The following IGF2BP1 variants were observed in gnomAD, a reference collection of about 807,000 sequenced individuals.
IGF2BP1 encodes the protein insulin like growth factor 2 mRNA binding protein 1, also known as insulin-like growth factor 2 mRNA-binding protein 1.
In IGF2BP1, 11 loss-of-function variants were observed where a neutral mutation model predicts 74.9. The ratio of observed to expected loss-of-function variants is 0.15; its 90% CI spans 0.09 to 0.24. The LOEUF (loss-of-function observed/expected upper bound fraction) is 0.24, where lower values mean the gene tolerates loss of function less well. Among genes scored for constraint, IGF2BP1 ranks in the 10% least tolerant of loss-of-function variants. IGF2BP1 has a pLI of 1.00. For missense variants in IGF2BP1, 440 were observed against 757.4 expected, an observed-to-expected ratio of 0.58 and a Z score of 4.92; for synonymous variants, 287 against 281.8, an observed-to-expected ratio of 1.02 and a Z score of -0.18.
At chr17:49,035,100 A>C (rs1287356438) in intron 5 of IGF2BP1, among the ~76,000 whole-genome samples, 1 of 152,246 alleles carries the variant, frequency 6.6e-6, no homozygotes, top group Admixed American at 6.5e-5. Context: ...GATCAATGGA[A>C]TAGAATTCAG....
chr17:49,027,881 A>G (rs1315383022), intron 4 of IGF2BP1, among the ~76,000 whole-genome samples: 1 of 126,238 alleles, frequency 7.9e-6, no homozygotes, highest in Non-Finnish European at 1.6e-5. Context: ...AAAAAAAAAA[A>G]GTTTGCCGGC....
At chr17:49,018,390 G>A (rs1355830265) in intron 2 of IGF2BP1, among the ~76,000 whole-genome samples, 1 of 152,132 alleles carries the variant, frequency 6.6e-6, no homozygotes, top group Non-Finnish European at 1.5e-5. Flanking sequence ...CCCCAAACTG[G>A]CTCCCAGTCT....
chr17:49,010,107 A>G (rs1004403179), intron 2 of IGF2BP1, among the ~76,000 whole-genome samples: 4 of 152,222 alleles, frequency 2.6e-5, no homozygotes, highest in African/African-American at 9.6e-5. Flanking sequence ...CAAAAAACAA[A>G]AAACATTCAC....
At chr17:49,027,581 G>A (rs1055735519) in intron 4 of IGF2BP1, among the ~76,000 whole-genome samples, 3 of 152,034 alleles carry the variant, frequency 2.0e-5, no homozygotes, top group Non-Finnish European at 4.4e-5. Context: ...AGCCGGGCGC[G>A]GTGGCTCACG....
intron 12 of IGF2BP1, among the ~76,000 whole-genome samples, chr17:49,045,345 G>A (rs1824820176): frequency 6.6e-6 from 1 of 152,220 alleles, no homozygotes; most frequent in African/African-American, 2.4e-5. Context: ...CATTTCTAAG[G>A]AAGGCCTTTA....
intron 2 of IGF2BP1, among the ~76,000 whole-genome samples, chr17:49,006,960 G>A (rs2041557749): frequency 6.6e-6 from 1 of 152,142 alleles, no homozygotes; most frequent in Admixed American, 6.5e-5. Flanking sequence ...TTCTGTTATC[G>A]TTTATGCCCT....
At chr17:49,041,330 A>G (rs1386247885) in intron 7 of IGF2BP1, 48 bp from the exon 8 acceptor site, 1 of 1,607,716 alleles carries the variant, frequency 6.2e-7, no homozygotes, top group East Asian at 2.2e-5. Flanking sequence ...CATGAAGCCC[A>G]CAATTGAAGG....
chr17:49,025,332 G>GTT (rs2144048605), intron 2 of IGF2BP1, among the ~76,000 whole-genome samples: 1 of 150,816 alleles, frequency 6.6e-6, no homozygotes, highest in Admixed American at 6.6e-5. Flanking sequence ...GTGTGTGTGT[G>GTT]TGTGTGTGTG....
At chr17:49,035,617 G>T (rs2041977463) in intron 5 of IGF2BP1, among the ~76,000 whole-genome samples, 1 of 152,156 alleles carries the variant, frequency 6.6e-6, no homozygotes, top group Non-Finnish European at 1.5e-5. Context: ...GCCTCCCTGC[G>T]GGCGTGCACC....
chr17:49,035,913 G>GT (rs1021721756), intron 5 of IGF2BP1, among the ~76,000 whole-genome samples: 6 of 152,338 alleles, frequency 3.9e-5, no homozygotes, highest in African/African-American at 1.4e-4. Context: ...GGACCTCCTT[G>GT]TGGGAGGGCC....
At chr17:49,026,175 AGT>A (rs2041851198) in intron 3 of IGF2BP1, among the ~76,000 whole-genome samples, 1 of 152,060 alleles carries the variant, frequency 6.6e-6, no homozygotes. Context: ...GAGGTGGATG[AGT>A]GTTTCCTAAG....
chr17:49,014,272 C>G (rs1598130763), intron 2 of IGF2BP1, among the ~76,000 whole-genome samples: 1 of 129,230 alleles, frequency 7.7e-6, no homozygotes, highest in African/African-American at 2.9e-5. Context: ...GTCTCCCCCT[C>G]AGTCTCAGCC....
intron 2 of IGF2BP1, among the ~76,000 whole-genome samples, chr17:49,003,501 T>G (rs941568803): frequency 2.0e-5 from 3 of 152,154 alleles, no homozygotes; most frequent in Admixed American, 6.5e-5. Flanking sequence ...TTGATTTTTG[T>G]GTGTGGGGTG....
At chr17:49,019,963 C>A (rs1215560975) in intron 2 of IGF2BP1, among the ~76,000 whole-genome samples, 3 of 85,400 alleles carry the variant, frequency 3.5e-5, no homozygotes, top group Non-Finnish European at 6.5e-5. Flanking sequence ...TATACACACA[C>A]ACACACACAC....
intron 3 of IGF2BP1, among the ~76,000 whole-genome samples, 187 bp downstream of exon 3, chr17:49,025,853 C>CTTTTTTTTTTTTTTT (rs749731111): frequency 7.1e-6 from 1 of 140,366 alleles, no homozygotes; most frequent in Non-Finnish European, 1.5e-5. Context: ...TCTTTCTTTT[C>CTTTTTTTTTTTTTTT]TTTCTTTTTT....
chr17:49,013,939 G>T (rs1280407204), intron 2 of IGF2BP1: 1 of 152,394 alleles, frequency 6.6e-6, no homozygotes, highest in Non-Finnish European at 1.5e-5. Context: ...TGTAGCGGAG[G>T]GGCTGGGGGG....
intron 2 of IGF2BP1, among the ~76,000 whole-genome samples, chr17:49,024,338 C>T (rs75383878): frequency 0.013 from 2,000 of 152,112 alleles, 47 homozygotes; most frequent in African/African-American, 0.045. Context: ...CACTCGATCG[C>T]AGCAGGTCTA....
intron 8 of IGF2BP1, among the ~76,000 whole-genome samples, 155 bp from the exon 9 acceptor site, chr17:49,042,087 A>G (rs567669080): frequency 1.3e-5 from 2 of 152,308 alleles, no homozygotes; most frequent in African/African-American, 2.4e-5. Flanking sequence ...ACAAACTGGG[A>G]ACACCAAAGA....
At chr17:48,998,417 G>A (rs1428314679) in intron 1 of IGF2BP1, among the ~76,000 whole-genome samples, 1 of 152,240 alleles carries the variant, frequency 6.6e-6, no homozygotes, top group Non-Finnish European at 1.5e-5. Context: ...CAGCCCTCCA[G>A]CAGGACTTGC....
Sources: allele counts gnomAD v4.1 joint callset (sites outside exome capture counted in the v4.1 genomes callset), GRCh38; gene constraint gnomAD v4.1.1; transcripts MANE v1.5; gene names NCBI Gene and HGNC (gene_info 2026-07-23, HGNC 2026-07-21).